Variants in MET observed in about 807,000 individuals in gnomAD.
MET encodes hepatocyte growth factor receptor.
In MET, 48 loss-of-function variants were observed where a neutral mutation model predicts 133.1. That is an observed-to-expected ratio of 0.36 (90% CI 0.29 to 0.46). The LOEUF is 0.46. Ranked by LOEUF, MET falls within the 20% of genes least tolerant of loss-of-function variation. The probability of loss-of-function intolerance (pLI) is 1.00; values close to 1 mark genes in which losing one functional copy is unlikely to be tolerated. For missense variants in MET, 1,442 were observed against 1,695.9 expected (o/e 0.85, Z 2.63); for synonymous variants, 628 against 616.5 (o/e 1.02, Z -0.28).
chr7:116,793,314 A>G (rs2117098972), intron 19 of MET, among the ~76,000 whole-genome samples: 1 of 151,960 alleles, frequency 6.6e-6, no homozygotes, highest in Middle Eastern at 3.4e-3. Flanking sequence ...AGCTGGGATT[A>G]CAGGTGCACA....
chr7:116,674,921 AG>A (rs1259318185), intron 1 of MET, among the ~76,000 whole-genome samples: 1 of 152,212 alleles, frequency 6.6e-6, no homozygotes, highest in Non-Finnish European at 1.5e-5. Context: ...GTTTATTCAT[AG>A]GATACTCAAT....
intron 1 of MET, among the ~76,000 whole-genome samples, chr7:116,678,024 T>G (rs955753124): frequency 9.2e-5 from 14 of 152,182 alleles, no homozygotes; most frequent in Admixed American, 7.9e-4. Flanking sequence ...TGGAAATGAC[T>G]GAACTTCACC....
chr7:116,754,935 G>GAAAGAAAGAA (rs1554394709), intron 5 of MET, among the ~76,000 whole-genome samples: 15 of 132,300 alleles, frequency 1.1e-4, no homozygotes, highest in Non-Finnish European at 2.1e-4. Flanking sequence ...AAGAAAGAAA[G>GAAAGAAAGAA]AAAGAAAGAA....
chr7:116,715,639 T>C (rs1169157960), intron 2 of MET, among the ~76,000 whole-genome samples: 3 of 152,254 alleles, frequency 2.0e-5, no homozygotes, highest in East Asian at 3.8e-4. Context: ...ATTTAATATG[T>C]TTCTGGCACT....
At chr7:116,724,537 A>T (rs1215560654) in intron 2 of MET, among the ~76,000 whole-genome samples, 1 of 152,134 alleles carries the variant, frequency 6.6e-6, no homozygotes, top group Non-Finnish European at 1.5e-5. Flanking sequence ...TTTCCTATAA[A>T]ATCCAGAATC....
chr7:116,752,153 T>TA (rs1793948198), intron 5 of MET, among the ~76,000 whole-genome samples: 1 of 152,134 alleles, frequency 6.6e-6, no homozygotes, highest in Non-Finnish European at 1.5e-5. Context: ...CAGTATTATA[T>TA]AGGGATAGGA....
chr7:116,746,863 C>A (rs939680786), intron 5 of MET, among the ~76,000 whole-genome samples: 5 of 151,948 alleles, frequency 3.3e-5, no homozygotes, highest in African/African-American at 1.2e-4. Flanking sequence ...CACCAACATG[C>A]ACATGTATAC....
intron 1 of MET, among the ~76,000 whole-genome samples, chr7:116,678,912 A>G (rs1447584197): frequency 6.6e-6 from 1 of 152,200 alleles, no homozygotes; most frequent in Non-Finnish European, 1.5e-5. Flanking sequence ...TTTTTGTTCC[A>G]GAAAAAAATA....
rs2116592516 is a variant in MET at position 116,699,666 on chromosome 7, C to A, written c.582C>A (p.Asn194Lys). ...VLSSVKDRFI[N>K]FFVGNTINSS... ...CATCTGTAAAGGACCGGTTCATCAA[C>A]TTCTTTGTAGGCAATACCATAAATT... The change falls in exon 2 of 21, where the codon AAC (asparagine) becomes AAA (lysine). Residue 194 changes from asparagine (N) to lysine (K), a missense_variant. Physicochemically the swap from Asn to Lys is moderately conservative, Grantham distance 94. Coordinates refer to ENST00000397752, the MANE Select transcript of MET (RefSeq NM_000245.4). 6.2e-7 allele frequency: 1 copy of A among 1,614,050 alleles called. No homozygotes were observed. Among genetic ancestry groups the A allele is most frequent in the East Asian group, 2.2e-5 (1 of 44,876 alleles).
At chr7:116,776,996 G>A (rs1240528334) in intron 15 of MET, among the ~76,000 whole-genome samples, 1 of 152,152 alleles carries the variant, frequency 6.6e-6, no homozygotes, top group East Asian at 1.9e-4. Context: ...AGTTCTTCAT[G>A]TGGGTTAACT....
intron 1 of MET, 89 bp from the exon 2 acceptor site, chr7:116,698,982 A>G: frequency 4.4e-6 from 7 of 1,581,528 alleles, no homozygotes; most frequent in South Asian, 1.1e-5. Context: ...GGGAAGCTTT[A>G]TTTCTGATAG....
chr7:116,713,177 C>T (rs766503170), intron 2 of MET, among the ~76,000 whole-genome samples: 2 of 152,100 alleles, frequency 1.3e-5, no homozygotes, highest in African/African-American at 4.8e-5. Context: ...GGGCGGATCA[C>T]GAGGTCAGGA....
At chr7:116,707,030 A>C (rs940765294) in intron 2 of MET, among the ~76,000 whole-genome samples, 1 of 151,926 alleles carries the variant, frequency 6.6e-6, no homozygotes, top group Non-Finnish European at 1.5e-5. Flanking sequence ...TTGCTGAGCC[A>C]TGTTGACTTC....
At chr7:116,717,151 T>G (rs1792275267) in intron 2 of MET, among the ~76,000 whole-genome samples, 1 of 152,208 alleles carries the variant, frequency 6.6e-6, no homozygotes. Flanking sequence ...TCTTAGGGTT[T>G]GACCACAGCA....
chr7:116,760,842 A>G (rs1444558418), intron 10 of MET, among the ~76,000 whole-genome samples: 5 of 152,150 alleles, frequency 3.3e-5, no homozygotes, highest in Non-Finnish European at 4.4e-5. Flanking sequence ...TATGAAGCAA[A>G]GCATTTTGAA....
At chr7:116,677,017 T>C (rs1023715576) in intron 1 of MET, among the ~76,000 whole-genome samples, 3 of 151,844 alleles carry the variant, frequency 2.0e-5, no homozygotes. Flanking sequence ...TGTTTTGTTT[T>C]GTTTTGTTTT....
chr7:116,763,062 C>T lies in MET; in HGVS notation c.2377C>T (p.Arg793Cys), dbSNP rs45440991. 3.7e-6 allele frequency: 6 copies of T among 1,613,668 alleles called. No individual in the cohort carries two copies. Among genetic ancestry groups the T allele is most frequent in the Admixed American group, 1.7e-5 (1 of 59,964 alleles). Residue 793 changes from arginine to cysteine, a missense_variant, in exon 11 of 21, where the codon CGC becomes TGC. Physicochemically the swap from Arg to Cys is radical, Grantham distance 180 (BLOSUM62 -3). Around this residue, in one of 6 missense-constraint regions of MET, gnomAD observed 514 missense variants for 659.6 expected, o/e 0.78. Transcript: ENST00000397752. ...GRNFTVACQH[R>C]SNSEIICCTT... Reference sequence around the variant, plus strand: ...TGTCTTTCTCTAGGCATGTCAACATCGCTCTAATTCAGAGATAATCTGTTG... The same window carrying T: ...TGTCTTTCTCTAGGCATGTCAACATTGCTCTAATTCAGAGATAATCTGTTG...
chr7:116,792,735 A>G (rs73471139), intron 19 of MET, among the ~76,000 whole-genome samples: 2,314 of 151,886 alleles, frequency 0.015, 59 homozygotes, highest in African/African-American at 0.053. Flanking sequence ...AAATTACCCA[A>G]CTCCATCCCC....
chr7:116,720,719 C>G (rs1792449996), intron 2 of MET, among the ~76,000 whole-genome samples: 1 of 137,860 alleles, frequency 7.3e-6, no homozygotes, highest in South Asian at 2.5e-4. Flanking sequence ...TTGTCAAAGG[C>G]TTTTTCTGCA....
Sources: gnomAD v4.1 joint callset for allele counts (sites outside exome capture counted in the v4.1 genomes callset) on GRCh38, gnomAD v4.1.1 for gene constraint, gnomAD v4.1.1 regional missense constraint, MANE v1.5 for transcripts, NCBI Gene and HGNC (gene_info 2026-07-23, HGNC 2026-07-21) for gene names.